The following KIAA1328 variants were observed in gnomAD, a reference collection of about 807,000 sequenced individuals.
The protein encoded by KIAA1328 is protein hinderin.
A neutral mutation model predicts 68.1 loss-of-function variants in KIAA1328; 52 were observed. The observed-to-expected ratio is 0.76, with a 90% CI of 0.61 to 0.96. The LOEUF (loss-of-function observed/expected upper bound fraction) is 0.96. KIAA1328 is among the 40% of genes least tolerant of loss of function. The probability of loss-of-function intolerance (pLI) is 0.00; values close to 1 mark genes in which losing one functional copy is unlikely to be tolerated. For missense variants in KIAA1328, 641 were observed against 677.6 expected (o/e 0.95, Z 0.60); for synonymous variants, 232 against 239.4 (o/e 0.97, Z 0.28).
chr18:36,953,423 G>T lies in KIAA1328; in HGVS notation c.449-5885G>T, dbSNP rs1041973798. On this transcript the variant is annotated intron_variant, in intron 5 of 9. Coordinates refer to ENST00000280020, the MANE Select transcript of KIAA1328 (RefSeq NM_020776.3). ...ATAGATAGATAGATAGATAGATAGA[G>T]ATAGATAGATATATAAATGTATATA... 1.4e-4 allele frequency among the ~76,000 whole-genome samples: 21 copies of T among 146,594 alleles called. No homozygotes were observed. In the East Asian group the frequency reaches 3.4e-3, roughly 24 times the overall value.
intron 9 of KIAA1328, among the ~76,000 whole-genome samples, chr18:37,185,462 A>C (rs1568508616): frequency 2.6e-5 from 4 of 152,210 alleles, no homozygotes; most frequent in Admixed American, 2.6e-4. Context: ...GGTTTCAGTC[A>C]CATAGAAAAA....
At chr18:37,140,600 T>C (rs2058745849) in intron 7 of KIAA1328, among the ~76,000 whole-genome samples, 1 of 152,128 alleles carries the variant, frequency 6.6e-6, no homozygotes, top group Non-Finnish European at 1.5e-5. Context: ...CATTTAGTAT[T>C]TTATAATATT....
chr18:37,070,887 C>T (rs533849084), intron 7 of KIAA1328, among the ~76,000 whole-genome samples: 6 of 151,906 alleles, frequency 3.9e-5, no homozygotes, highest in Non-Finnish European at 7.4e-5. Context: ...TTCTTACTTT[C>T]ATTTTATTAA....
intron 6 of KIAA1328, among the ~76,000 whole-genome samples, chr18:36,990,477 C>G (rs1284495312): frequency 6.6e-6 from 1 of 152,012 alleles, no homozygotes; most frequent in Non-Finnish European, 1.5e-5. Flanking sequence ...GAGCTCAACA[C>G]CAGCCTGGTC....
At chr18:36,850,163 C>T (rs1294167726) in intron 4 of KIAA1328, among the ~76,000 whole-genome samples, 1 of 151,770 alleles carries the variant, frequency 6.6e-6, no homozygotes, top group African/African-American at 2.4e-5. Context: ...TTCACTTTCT[C>T]AGTGGTATTC....
chr18:37,116,560 A>G (rs1224907372), intron 7 of KIAA1328, among the ~76,000 whole-genome samples: 1 of 152,262 alleles, frequency 6.6e-6, no homozygotes, highest in Non-Finnish European at 1.5e-5. Flanking sequence ...TAAAAACCCT[A>G]GAAGAAAACC....
intron 6 of KIAA1328, among the ~76,000 whole-genome samples, chr18:36,963,078 A>T (rs188231153): frequency 6.6e-6 from 1 of 152,294 alleles, no homozygotes; most frequent in Non-Finnish European, 1.5e-5. Context: ...CAAAGTATAA[A>T]TGGTTTGTTT....
intron 6 of KIAA1328, among the ~76,000 whole-genome samples, chr18:37,021,568 G>A (rs1169736226): frequency 6.6e-6 from 1 of 152,016 alleles, no homozygotes; most frequent in African/African-American, 2.4e-5. Flanking sequence ...GGATTTCTTT[G>A]CATTTGTTTT....
intron 7 of KIAA1328, among the ~76,000 whole-genome samples, chr18:37,102,291 A>C (rs945199198): frequency 6.6e-6 from 1 of 152,162 alleles, no homozygotes; most frequent in Admixed American, 6.6e-5. Flanking sequence ...CAGGGGAGGG[A>C]CAGCAACAGG....
At chr18:37,056,425 T>A (rs1055446743) in intron 6 of KIAA1328, among the ~76,000 whole-genome samples, 1 of 152,082 alleles carries the variant, frequency 6.6e-6, no homozygotes, top group Non-Finnish European at 1.5e-5. Context: ...GTTTTTTTTT[T>A]AATCCTTGTT....
intron 7 of KIAA1328, among the ~76,000 whole-genome samples, chr18:37,121,828 T>G (rs1047522241): frequency 8.0e-5 from 12 of 149,526 alleles, no homozygotes; most frequent in African/African-American, 3.1e-4. Context: ...TATTTGTTAT[T>G]TAGGTGAATG....
intron 5 of KIAA1328, among the ~76,000 whole-genome samples, chr18:36,941,005 C>T (rs936914694): frequency 1.3e-5 from 2 of 152,012 alleles, no homozygotes; most frequent in Admixed American, 1.3e-4. Flanking sequence ...GACTTTTGAC[C>T]AATTCAGATT....
chr18:36,846,155 CTGTT>C (rs1419378466), intron 4 of KIAA1328, among the ~76,000 whole-genome samples: 1 of 151,562 alleles, frequency 6.6e-6, no homozygotes, highest in East Asian at 1.9e-4. Context: ...ATTTGCAAGA[CTGTT>C]TGATTGACGT....
At chr18:37,180,637 GT>G (rs34168716) in intron 9 of KIAA1328, among the ~76,000 whole-genome samples, 1 of 149,460 alleles carries the variant, frequency 6.7e-6, no homozygotes. Flanking sequence ...TAACAAAACC[GT>G]TTTTTTTTTA....
chr18:37,207,257 G>T (rs767161846), intron 9 of KIAA1328, among the ~76,000 whole-genome samples: 2 of 151,962 alleles, frequency 1.3e-5, no homozygotes, highest in African/African-American at 4.8e-5. Context: ...TTTTCCAATT[G>T]TGCATGCAAA....
chr18:36,968,722 A>G (rs555880785), intron 6 of KIAA1328, among the ~76,000 whole-genome samples: 1 of 152,342 alleles, frequency 6.6e-6, no homozygotes, highest in Non-Finnish European at 1.5e-5. Context: ...AGTATTAGAC[A>G]GATCCTTAAG....
intron 7 of KIAA1328, among the ~76,000 whole-genome samples, chr18:37,079,363 G>T (rs2056866562): frequency 7.8e-6 from 1 of 128,450 alleles, no homozygotes; most frequent in Admixed American, 7.7e-5. Context: ...ATAGCTTTAG[G>T]AGATATACCT....
intron 6 of KIAA1328, among the ~76,000 whole-genome samples, chr18:37,017,939 G>A (rs535153154): frequency 6.6e-6 from 1 of 152,166 alleles, no homozygotes; most frequent in East Asian, 1.9e-4. Flanking sequence ...CCTTTTAAGT[G>A]GGTCATTTAG....
chr18:37,090,646 C>G (rs2057240441), intron 7 of KIAA1328, among the ~76,000 whole-genome samples: 1 of 152,164 alleles, frequency 6.6e-6, no homozygotes, highest in Non-Finnish European at 1.5e-5. Context: ...CTTGGAAGCA[C>G]TTGCCAGAGT....
Sources: allele counts gnomAD v4.1 joint callset (sites outside exome capture counted in the v4.1 genomes callset), GRCh38; gene constraint gnomAD v4.1.1; transcripts MANE v1.5; gene names NCBI Gene and HGNC (gene_info 2026-07-23, HGNC 2026-07-21).